CCT5: variants seen among roughly 807,000 people sequenced by gnomAD.
CCT5 encodes the protein T-complex protein 1 subunit epsilon.
CCT5 carries 6 observed loss-of-function variants against 55.0 expected under a neutral mutation model. That is an observed-to-expected ratio of 0.11 (90% CI 0.06 to 0.22). The LOEUF is 0.22. Ranked by LOEUF, CCT5 falls within the 10% of genes least tolerant of loss-of-function variation. The pLI, the probability that CCT5 is intolerant of heterozygous loss-of-function variation, is 1.00. For missense variants in CCT5, 560 were observed against 694.6 expected (o/e 0.81, Z 2.18); for synonymous variants, 231 against 243.7 (o/e 0.95, Z 0.49).
At chr5:10,263,704 T>G (rs1005089842) in intron 10 of CCT5, among the ~76,000 whole-genome samples, 4 of 152,038 alleles carry the variant, frequency 2.6e-5, no homozygotes, top group African/African-American at 4.8e-5. Context: ...CACTGTGGAG[T>G]GTTTTCTAAA....
In CCT5 at chr5:10,264,991, A is replaced by G; in HGVS notation, c.*208A>G. On this transcript the variant is annotated 3_prime_UTR_variant, in exon 11 of 11. Coordinates refer to ENST00000280326, the MANE Select transcript of CCT5 (RefSeq NM_012073.5). Reference sequence around the variant, plus strand: ...TCTCAACTGCTTTTGTATTCATTGTATTAAAAGAATCTGTTTAAACAACCT... The same window carrying G: ...TCTCAACTGCTTTTGTATTCATTGTGTTAAAAGAATCTGTTTAAACAACCT... The G allele has an allele frequency of 1.8e-6, 1 of 570,126 alleles. No individual in the cohort carries two copies. Among genetic ancestry groups the G allele is most frequent in the Admixed American group, 3.3e-5 (1 of 29,936 alleles). The allele number at this position is 570,126 out of a possible 1,614,324, so 35.3% of individuals were successfully genotyped here.
chr5:10,261,240 G>A (rs964526192), intron 7 of CCT5: 2 of 493,044 alleles, frequency 4.1e-6, no homozygotes, highest in African/African-American at 3.9e-5. Context: ...TCTCACTGCA[G>A]CGCAGTGCAA....
At position 10,264,931 on chromosome 5, in the gene CCT5, C is replaced by G; in HGVS notation, c.*148C>G. ...AATAGCTGTTTGGTAACCATAGTTT[C>G]ACTTGTTCAAAGCTGTGTAATCGTG... On this transcript the variant is annotated 3_prime_UTR_variant, in exon 11 of 11. Transcript: ENST00000280326. The G allele has an allele frequency of 9.7e-7, 1 of 1,031,770 alleles. No homozygotes were observed. The highest frequency in any genetic ancestry group is 3.1e-4 in the Middle Eastern group (1 of 3,188). The allele number at this position is 1,031,770 out of a possible 1,614,324, so 63.9% of individuals were successfully genotyped here.
At chr5:10,257,724 T>A (rs1745753279) in intron 4 of CCT5, among the ~76,000 whole-genome samples, 1 of 152,240 alleles carries the variant, frequency 6.6e-6, no homozygotes, top group Non-Finnish European at 1.5e-5. Context: ...CCTGAGTGAT[T>A]ACTTACCTTT....
At chr5:10,256,237 A>G in intron 4 of CCT5, 84 bp downstream of exon 4, 1 of 1,158,102 alleles carries the variant, frequency 8.6e-7, no homozygotes, top group South Asian at 1.3e-5. Flanking sequence ...CAAAATGACC[A>G]CTGGTGGATT....
In CCT5 at chr5:10,255,966, G is replaced by T; in HGVS notation, c.343G>T (p.Ala115Ser). ...TGGCTTATTTGCAGTCCTGGCTGGT[G>T]CCTTGTTAGAAGAAGCGGAGCAATT... is the stretch of plus-strand genomic sequence containing the variant. ...GTTGVVVLAG[A>S]LLEEAEQLLD... The change falls in exon 4 of 11, where the codon GCC becomes TCC. Residue 115 changes from alanine (A) to serine (S), a missense_variant. This residue lies in a region of CCT5 where 137 missense variants were observed against 181.9 expected (regional missense o/e 0.75). Transcript: ENST00000280326. 1 of 1,614,154 alleles carries T rather than the reference G, an allele frequency of 6.2e-7. No individual in the cohort carries two copies. The highest frequency in any genetic ancestry group is 2.2e-5 in the East Asian group (1 of 44,888).
In CCT5 at chr5:10,266,103, G is replaced by A. The variant is rs1372075609; in HGVS notation, c.*1320G>A. ...TCTTCCTAATTTTCATGTTTATATG[G>A]AACTATGCAGTTGAGTATTGAAAGC... On this transcript the variant is annotated 3_prime_UTR_variant, in exon 11 of 11. Coordinates refer to ENST00000280326, the MANE Select transcript of CCT5 (RefSeq NM_012073.5). The A allele has an allele frequency of 6.6e-6, 1 of 152,126 alleles. No individual in the cohort carries two copies. Among genetic ancestry groups the A allele is most frequent in the African/African-American group, 2.4e-5 (1 of 41,390 alleles). 9.4% of individuals were successfully genotyped at this position (152,126 alleles called of 1,614,324 possible).
intron 1 of CCT5, among the ~76,000 whole-genome samples, chr5:10,252,085 A>C (rs1313562977): frequency 6.6e-6 from 1 of 152,234 alleles, no homozygotes; most frequent in Non-Finnish European, 1.5e-5. Context: ...AGCATTCTCA[A>C]GTTTGGCATA....
chr5:10,262,691 G>T (rs1746027085), intron 9 of CCT5, 73 bp downstream of exon 9: 1 of 1,536,876 alleles, frequency 6.5e-7, no homozygotes, highest in Non-Finnish European at 9.0e-7. Flanking sequence ...CTGCGGAACA[G>T]CGAGGTGCTG....
chr5:10,257,151 G>A (rs1208266379), intron 4 of CCT5, among the ~76,000 whole-genome samples: 1 of 152,328 alleles, frequency 6.6e-6, no homozygotes, highest in East Asian at 1.9e-4. Flanking sequence ...ACTCAGAGTA[G>A]TCAGGGAAAA....
chr5:10,263,232 G>T lies in CCT5; in HGVS notation c.1416G>T (p.Gln472His), dbSNP rs1579458377. The change falls in exon 10 of 11, where the codon CAG becomes CAT. Residue 472 changes from glutamine (Q) to histidine (H), a missense_variant. Physicochemically the swap from Gln to His is conservative, Grantham distance 24. Coordinates refer to ENST00000280326, the MANE Select transcript of CCT5 (RefSeq NM_012073.5). ...AAAACAGTGGCATGAATCCCATCCAGACTATGACCGAAGTCCGAGCCAGAC... is the reference window on the plus strand; with the variant it reads ...AAAACAGTGGCATGAATCCCATCCATACTATGACCGAAGTCCGAGCCAGAC... ...LSENSGMNPI[Q>H]TMTEVRARQV... 1 of 1,614,058 alleles carries T rather than the reference G, an allele frequency of 6.2e-7. No homozygotes were observed. Among genetic ancestry groups the T allele is most frequent in the African/African-American group, 1.3e-5 (1 of 74,906 alleles).
chr5:10,262,105 C>T, intron 8 of CCT5: 1 of 391,090 alleles, frequency 2.6e-6, no homozygotes, highest in Non-Finnish European at 4.8e-6. Flanking sequence ...ATTTTAATTA[C>T]AATATGGTAT....
intron 4 of CCT5, among the ~76,000 whole-genome samples, chr5:10,256,869 G>C (rs1473322547): frequency 1.3e-5 from 2 of 152,126 alleles, no homozygotes; most frequent in Admixed American, 1.3e-4. Context: ...CTTGTCTCTG[G>C]TGTTTTCAGC....
Position 10,265,668 on chromosome 5 carries a change from C to G in CCT5, c.*885C>G, listed in dbSNP as rs760399130. 6.6e-6 allele frequency: 1 copy of G among 152,126 alleles called. No homozygotes were observed. The highest frequency in any genetic ancestry group is 2.4e-5 in the African/African-American group (1 of 41,408). 9.4% of individuals were successfully genotyped at this position (152,126 alleles called of 1,614,324 possible). A position where few individuals can be genotyped will look rare whatever the true frequency, so the allele number is the denominator to read the frequency against. On this transcript the variant is annotated 3_prime_UTR_variant, in exon 11 of 11. Coordinates refer to ENST00000280326, the MANE Select transcript of CCT5 (RefSeq NM_012073.5). The stretch of plus-strand genomic sequence containing the variant: ...AGATACACTTTCTTACTGCTCACAT[C>G]TTACAGGTGAGTACTCATAATTGGC...
At chr5:10,255,370 C>T (rs73741354) in intron 3 of CCT5, among the ~76,000 whole-genome samples, 6,383 of 151,534 alleles carry the variant, frequency 0.042, 470 homozygotes, top group African/African-American at 0.15. Flanking sequence ...CCTTTTTTTT[C>T]TGAAGATTTG....
intron 7 of CCT5, chr5:10,261,147 C>T: frequency 1.8e-6 from 1 of 557,752 alleles, no homozygotes; most frequent in Non-Finnish European, 3.2e-6. Context: ...TCTCACTTGG[C>T]CCTGTCGTTG....
chr5:10,259,206 G>A (rs183993955), intron 6 of CCT5, among the ~76,000 whole-genome samples: 1 of 152,200 alleles, frequency 6.6e-6, no homozygotes, highest in East Asian at 1.9e-4. Flanking sequence ...TCTTTGCTCA[G>A]TTAAGTCTAG....
chr5:10,250,331 T>G lies in CCT5; in HGVS notation c.-10T>G, dbSNP rs2578618. The G allele has an allele frequency of 6.2e-7, 1 of 1,613,842 alleles. No individual in the cohort carries two copies. The highest frequency in any genetic ancestry group is 1.1e-5 in the South Asian group (1 of 91,062). ...GCCGGTTGGGGGGAAGTAATTCCGG[T>G]TGTTGCACCATGGCGTCCATGGGGA... On this transcript the variant is annotated 5_prime_UTR_variant, in exon 1 of 11. Transcript: ENST00000280326.
At chr5:10,251,111 T>TA (rs1745379575) in intron 1 of CCT5, among the ~76,000 whole-genome samples, 1 of 152,062 alleles carries the variant, frequency 6.6e-6, no homozygotes, top group African/African-American at 2.4e-5. Flanking sequence ...ACGGTAGAAG[T>TA]AAAGGCTTGG....
Sources: gnomAD v4.1 joint callset for allele counts (sites outside exome capture counted in the v4.1 genomes callset) on GRCh38, gnomAD v4.1.1 for gene constraint, gnomAD v4.1.1 regional missense constraint, MANE v1.5 for transcripts, NCBI Gene and HGNC (gene_info 2026-07-23, HGNC 2026-07-21) for gene names.